Variants in RGS22 observed in about 807,000 individuals in gnomAD.
RGS22 encodes regulator of G protein signaling 22.
In RGS22, 148 loss-of-function variants were observed where a neutral mutation model predicts 172.9. The ratio of observed to expected loss-of-function variants is 0.86; its 90% CI spans 0.75 to 0.98. The LOEUF is 0.98. RGS22 is among the 50% of genes least tolerant of loss of function. RGS22 has a pLI of 0.00. For missense variants in RGS22, 1,347 were observed against 1,440.8 expected, an observed-to-expected ratio of 0.93 and a Z score of 1.05; for synonymous variants, 458 against 480.2, an observed-to-expected ratio of 0.95 and a Z score of 0.60.
chr8:100,068,713 C>T (rs1161219478), intron 6 of RGS22, among the ~76,000 whole-genome samples: 1 of 152,024 alleles, frequency 6.6e-6, no homozygotes, highest in Non-Finnish European at 1.5e-5. Context: ...GAGTGAATTG[C>T]TGGAGCTCAG....
chr8:100,012,638 G>C (rs1816512056), intron 14 of RGS22, among the ~76,000 whole-genome samples: 1 of 151,774 alleles, frequency 6.6e-6, no homozygotes, highest in African/African-American at 2.4e-5. Flanking sequence ...GAGAGAGAGA[G>C]AGAGTTTTTG....
At position 99,990,405 on chromosome 8, in the gene RGS22, C is replaced by T. The variant is rs1314303243; in HGVS notation, c.3019-2786G>A. The stretch of plus-strand genomic sequence containing the variant: ...CCCCCTGCCTTTTCACCCAATAAAA[C>T]CCAGCTTTATTCACCCTTTAAGCCA... On this transcript the variant is annotated intron_variant, in intron 20 of 27. Transcript: ENST00000360863. Among the ~76,000 whole-genome samples the T allele has an allele frequency of 6.6e-5, 10 of 152,294 alleles. No individual in the cohort carries two copies. In the South Asian group the frequency reaches 1.7e-3, roughly 25 times the overall value.
At chr8:100,013,118 T>C (rs889642594) in intron 14 of RGS22, among the ~76,000 whole-genome samples, 2 of 151,734 alleles carry the variant, frequency 1.3e-5, no homozygotes, top group Admixed American at 6.6e-5. Context: ...GCCTCCCGAG[T>C]AGCTGGGACT....
intron 2 of RGS22, 32 bp from the exon 3 acceptor site, chr8:100,093,541 ATAAT>A (rs1269430502): frequency 7.2e-7 from 1 of 1,390,508 alleles, no homozygotes; most frequent in African/African-American, 1.5e-5. Flanking sequence ...ACACAGTATT[ATAAT>A]TATACATTTT....
intron 4 of RGS22, among the ~76,000 whole-genome samples, chr8:100,073,424 CA>C (rs1222956963): frequency 1.3e-5 from 1 of 77,146 alleles, no homozygotes; most frequent in East Asian, 3.2e-4. Context: ...CAGCAAAAAA[CA>C]AAACAAAAAA....
intron 9 of RGS22, among the ~76,000 whole-genome samples, chr8:100,059,187 G>T (rs889894840): frequency 2.0e-5 from 3 of 151,946 alleles, no homozygotes; most frequent in African/African-American, 7.3e-5. Context: ...CATATCAACA[G>T]AGAAAATCAC....
At chr8:100,083,039 G>A (rs1296854234) in intron 3 of RGS22, among the ~76,000 whole-genome samples, 1 of 152,152 alleles carries the variant, frequency 6.6e-6, no homozygotes, top group Non-Finnish European at 1.5e-5. Context: ...AACAAGTACG[G>A]GCTTTATCTT....
chr8:100,041,552 G>A (rs1045709426), intron 12 of RGS22, among the ~76,000 whole-genome samples: 6 of 151,760 alleles, frequency 4.0e-5, no homozygotes, highest in African/African-American at 1.2e-4. Context: ...TCTTTCAAGT[G>A]TCATCATACC....
intron 24 of RGS22, among the ~76,000 whole-genome samples, chr8:99,964,169 G>C (rs550791873): frequency 6.6e-6 from 1 of 152,038 alleles, no homozygotes; most frequent in African/African-American, 2.4e-5. Flanking sequence ...GATAAAAAAA[G>C]ATTAGAAGCC....
chr8:99,998,847 C>A (rs2131312276), intron 19 of RGS22, among the ~76,000 whole-genome samples: 1 of 152,108 alleles, frequency 6.6e-6, no homozygotes, highest in Admixed American at 6.6e-5. Flanking sequence ...ATACTTCAAA[C>A]CATTCTCAAC....
intron 4 of RGS22, among the ~76,000 whole-genome samples, chr8:100,076,041 T>C (rs908397843): frequency 3.3e-5 from 5 of 152,182 alleles, no homozygotes; most frequent in African/African-American, 1.2e-4. Flanking sequence ...ATGTCTATTC[T>C]AAACCCTTTG....
intron 21 of RGS22, among the ~76,000 whole-genome samples, chr8:99,983,481 G>A (rs774540617): frequency 3.3e-5 from 5 of 151,972 alleles, no homozygotes; most frequent in Admixed American, 1.3e-4. Context: ...TTTTCTGACC[G>A]TTTAATAATA....
intron 14 of RGS22, among the ~76,000 whole-genome samples, chr8:100,011,790 C>T (rs2131386954): frequency 6.6e-6 from 1 of 152,146 alleles, no homozygotes; most frequent in East Asian, 1.9e-4. Context: ...TGTTATAAAT[C>T]AGCAGACAAA....
chr8:99,986,021 T>A (rs530828226), intron 21 of RGS22, among the ~76,000 whole-genome samples: 5 of 148,124 alleles, frequency 3.4e-5, no homozygotes, highest in South Asian at 4.2e-4. Flanking sequence ...TTCTCTCAAA[T>A]TTTTTTTTTA....
At chr8:100,008,176 T>C (rs1048517218) in intron 15 of RGS22, among the ~76,000 whole-genome samples, 199 bp downstream of exon 15, 4 of 151,954 alleles carry the variant, frequency 2.6e-5, no homozygotes, top group Admixed American at 2.6e-4. Context: ...TAGCTGGGAT[T>C]ACAGGCGCCC....
chr8:100,040,540 G>A (rs950257818), intron 12 of RGS22, among the ~76,000 whole-genome samples: 1 of 152,058 alleles, frequency 6.6e-6, no homozygotes, highest in Admixed American at 6.6e-5. Flanking sequence ...TCCTTAGGGG[G>A]TCCCTCTTGG....
intron 21 of RGS22, among the ~76,000 whole-genome samples, chr8:99,985,089 G>A (rs1812941189): frequency 6.6e-6 from 1 of 152,166 alleles, no homozygotes; most frequent in South Asian, 2.1e-4. Context: ...CTGAGAAGCA[G>A]CACAGCTTAG....
intron 22 of RGS22, among the ~76,000 whole-genome samples, chr8:99,981,004 G>A (rs1812492930): frequency 6.6e-6 from 1 of 152,124 alleles, no homozygotes. Context: ...AGAGGACTTA[G>A]AACACAGCTG....
At chr8:100,083,816 G>A (rs932279820) in intron 3 of RGS22, among the ~76,000 whole-genome samples, 15 of 148,688 alleles carry the variant, frequency 1.0e-4, no homozygotes, top group African/African-American at 2.7e-4. Context: ...AGAACTGACC[G>A]CGTAATTTCT....
Sources: allele counts gnomAD v4.1 joint callset (sites outside exome capture counted in the v4.1 genomes callset), GRCh38; gene constraint gnomAD v4.1.1; transcripts MANE v1.5; gene names NCBI Gene and HGNC (gene_info 2026-07-23, HGNC 2026-07-21).